Variants in KNDC1 observed in about 807,000 individuals in gnomAD.
KNDC1 encodes kinase non-catalytic C-lobe domain containing 1, also known as kinase non-catalytic C-lobe domain-containing protein 1.
Under a neutral mutation model 172.8 loss-of-function variants are expected in KNDC1, and 106 were observed. That is an observed-to-expected ratio of 0.61 (90% CI 0.52 to 0.72). The LOEUF (loss-of-function observed/expected upper bound fraction) is 0.72. Ranked by LOEUF, KNDC1 falls within the 30% of genes least tolerant of loss-of-function variation. The probability of loss-of-function intolerance (pLI) is 0.00; values close to 1 mark genes in which losing one functional copy is unlikely to be tolerated. For missense variants in KNDC1, 2,325 were observed against 2,394.5 expected (o/e 0.97, Z 0.61); for synonymous variants, 1,083 against 1,062.2 (o/e 1.02, Z -0.38).
At chr10:133,215,776 G>A (rs940421866) in intron 26 of KNDC1, among the ~76,000 whole-genome samples, 1 of 152,340 alleles carries the variant, frequency 6.6e-6, no homozygotes, top group African/African-American at 2.4e-5. Context: ...CGGGATGGCC[G>A]CTCGTCCTGG....
At chr10:133,193,281 T>C (rs894089378) in intron 9 of KNDC1, among the ~76,000 whole-genome samples, 12 of 152,122 alleles carry the variant, frequency 7.9e-5, no homozygotes, top group Non-Finnish European at 1.5e-4. Context: ...TCCCAACACT[T>C]TGGGAGGCTG....
At position 133,209,487 on chromosome 10, in the gene KNDC1, G is replaced by A. The variant is rs532508379; in HGVS notation, c.3795-1124G>A. Among the ~76,000 whole-genome samples the A allele has an allele frequency of 6.6e-6, 1 of 151,806 alleles. No individual in the cohort carries two copies. Among genetic ancestry groups the A allele is most frequent in the Non-Finnish European group, 1.5e-5 (1 of 67,906 alleles). ...TGTGGCTTGTGTGCGCGTGTGTGGTGTGCGCGTCTGGTTGTGGAGTTCTGT... is the reference window on the plus strand; with the variant it reads ...TGTGGCTTGTGTGCGCGTGTGTGGTATGCGCGTCTGGTTGTGGAGTTCTGT... On this transcript the variant is annotated intron_variant, in intron 20 of 29. Transcript: ENST00000304613. The surrounding 1 kb of genome is among the most constrained non-coding windows in gnomAD (Gnocchi z 4.9).
At chr10:133,174,549 G>A (rs191053163) in intron 3 of KNDC1, among the ~76,000 whole-genome samples, 2 of 152,362 alleles carry the variant, frequency 1.3e-5, no homozygotes, top group East Asian at 1.9e-4. Flanking sequence ...ATGGATTGAT[G>A]GTTGGAGCAT....
intron 23 of KNDC1, 62 bp from the exon 24 acceptor site, chr10:133,212,654 T>C (rs1297656220): frequency 1.4e-6 from 2 of 1,472,950 alleles, no homozygotes; most frequent in South Asian, 1.2e-5. Context: ...CCTGCCTCCC[T>C]GGACCCCTGA....
In KNDC1 at chr10:133,201,540, C is replaced by T. The variant is rs989215916; in HGVS notation, c.3029C>T (p.Ala1010Val). Residue 1010 changes from alanine (A) to valine (V), a missense_variant, in exon 17 of 30, where the codon GCC becomes GTC. Ala to Val is a moderately conservative substitution (Grantham distance 64). Coordinates refer to ENST00000304613, the MANE Select transcript of KNDC1 (RefSeq NM_152643.8). ...KPAMARTSSR[A>V]PCSPTSVSDV... ...GCCATGGCCAGGACCAGCAGCAGGG[C>T]CCCCTGCTCACCCACCTCGGTGTCG... 3 of 1,609,720 alleles carry T rather than the reference C, an allele frequency of 1.9e-6. No individual in the cohort carries two copies. Among genetic ancestry groups the T allele is most frequent in the African/African-American group, 2.7e-5 (2 of 74,826 alleles).
chr10:133,187,932 G>C (rs117918197), intron 6 of KNDC1, among the ~76,000 whole-genome samples: 42,873 of 114,940 alleles, frequency 0.37, 8,508 homozygotes, highest in South Asian at 0.56. Context: ...CATGAGCCTG[G>C]CCCCTGCACC....
At chr10:133,168,125 G>A in intron 2 of KNDC1, 129 bp from the exon 3 acceptor site, 1 of 793,282 alleles carries the variant, frequency 1.3e-6, no homozygotes. Context: ...GGCCTAAAAT[G>A]GTCTGGGGAC....
intron 17 of KNDC1, 58 bp from the exon 18 acceptor site, chr10:133,206,627 G>A: frequency 7.0e-7 from 1 of 1,431,678 alleles, no homozygotes; most frequent in Non-Finnish European, 9.8e-7. Context: ...CCTGGCCCTG[G>A]ATGTGGCTGA....
intron 29 of KNDC1, among the ~76,000 whole-genome samples, chr10:133,221,281 C>T (rs1845583317): frequency 6.6e-6 from 1 of 152,140 alleles, no homozygotes; most frequent in Non-Finnish European, 1.5e-5. Context: ...GTCCACCTGC[C>T]CAGCACCTGG....
chr10:133,200,644 C>T (rs113383285), intron 16 of KNDC1, among the ~76,000 whole-genome samples, 184 bp downstream of exon 16: 2 of 151,006 alleles, frequency 1.3e-5, no homozygotes, highest in Non-Finnish European at 3.0e-5. Context: ...CCAAAGGCCG[C>T]CCTCTCCTGG....
Position 133,200,429 on chromosome 10 carries a change from G to C in KNDC1, c.2958G>C (p.Pro986=). ...QLEGSQSPRS[P]SSKRPSLHRL... is the part of the protein sequence containing the mutation. ...AGGGCAGCCAAAGCCCCCGCTCCCC[G>C]TCCAGCAAGAGGCCGTCGCTGCACC... is the stretch of plus-strand genomic sequence containing the variant. Residue 986 remains proline (P), a synonymous_variant, in exon 16 of 30, where the codon CCG becomes CCC. Coordinates refer to ENST00000304613, the MANE Select transcript of KNDC1 (RefSeq NM_152643.8). 6.3e-7 allele frequency: 1 copy of C among 1,596,036 alleles called. No homozygotes were observed. Among genetic ancestry groups the C allele is most frequent in the African/African-American group, 1.4e-5 (1 of 73,662 alleles).
At chr10:133,160,736 C>T (rs1852939071) in intron 1 of KNDC1, among the ~76,000 whole-genome samples, 167 bp downstream of exon 1, 1 of 152,160 alleles carries the variant, frequency 6.6e-6, no homozygotes, top group African/African-American at 2.4e-5. Flanking sequence ...GATTTTCACC[C>T]GGAGGGGACA....
At chr10:133,207,406 AAG>A (rs752184151) in intron 20 of KNDC1, 55 bp downstream of exon 20, 19 of 1,527,930 alleles carry the variant, frequency 1.2e-5, no homozygotes, top group Admixed American at 6.9e-5. Flanking sequence ...GGGTGCTGAG[AAG>A]AGGGGGGGAA....
At position 133,197,538 on chromosome 10, in the gene KNDC1, G is replaced by A. The variant is rs115339726; in HGVS notation, c.1813-137G>A. ...GCAGAGCCGCTGCAGAGCTTGGGCC[G>A]TGTGGCCGCCATGCCCGGCTCCTCC... On this transcript the variant is annotated intron_variant, in intron 11 of 29. Transcript: ENST00000304613. 1.6e-3 allele frequency: 1,186 copies of A among 726,058 alleles called. 8 individuals are homozygous for A. The African/African-American group carries it at 0.019, about 11-fold the overall frequency. 45.0% of individuals were successfully genotyped at this position (726,058 alleles called of 1,614,324 possible).
intron 3 of KNDC1, among the ~76,000 whole-genome samples, chr10:133,178,002 A>G (rs1016734481): frequency 6.4e-5 from 9 of 140,528 alleles, no homozygotes; most frequent in African/African-American, 1.6e-4. Context: ...GTGTGCATGT[A>G]TGTGGTGTGT....
intron 6 of KNDC1, among the ~76,000 whole-genome samples, chr10:133,187,911 C>T (rs1279521320): frequency 1.4e-5 from 2 of 148,102 alleles, no homozygotes; most frequent in African/African-American, 2.6e-5. Flanking sequence ...CCCCGTCCCG[C>T]CCTCCACCTC....
intron 9 of KNDC1, among the ~76,000 whole-genome samples, chr10:133,190,829 G>A (rs1185097649): frequency 6.6e-6 from 1 of 152,224 alleles, no homozygotes; most frequent in Non-Finnish European, 1.5e-5. Context: ...GGTTGGTGCT[G>A]TGAGACCTGA....
chr10:133,164,228 G>T (rs536058274), intron 1 of KNDC1: 1 of 152,584 alleles, frequency 6.6e-6, no homozygotes, highest in East Asian at 1.9e-4. Context: ...CTACCCCATG[G>T]CTCACCCAGG....
Position 133,212,717 on chromosome 10 carries a change from G to T in KNDC1, c.4238G>T (p.Ser1413Ile). ...RLSEDGISRK[S>I]FPWRLPRGNG... ...CTCAGTGCCCGGCCTGCCCTGCAGA[G>T]CTTCCCCTGGAGGCTGCCCCGAGGC... Residue 1413 changes from serine to isoleucine, a missense_variant and splice_region_variant, in exon 24 of 30, where the codon AGC (serine) becomes ATC (isoleucine). Ser to Ile is a moderately radical substitution (Grantham distance 142). Transcript: ENST00000304613. The T allele has an allele frequency of 6.2e-7, 1 of 1,612,254 alleles. No individual in the cohort carries two copies. The highest frequency in any genetic ancestry group is 8.5e-7 in the Non-Finnish European group (1 of 1,179,546).
Sources: gnomAD v4.1 joint callset for allele counts (sites outside exome capture counted in the v4.1 genomes callset) on GRCh38, gnomAD v4.1.1 for gene constraint, Gnocchi (gnomAD v3.1) non-coding constraint, MANE v1.5 for transcripts, NCBI Gene and HGNC (gene_info 2026-07-23, HGNC 2026-07-21) for gene names.